MRPS31: variants seen among roughly 807,000 people sequenced by gnomAD.
MRPS31 encodes mitochondrial ribosomal protein S31.
A neutral mutation model predicts 43.1 loss-of-function variants in MRPS31; 32 were observed. The observed-to-expected ratio is 0.74, with a 90% CI of 0.56 to 1.00. The LOEUF is 1.00. Among genes scored for constraint, MRPS31 ranks in the 50% least tolerant of loss-of-function variants. The pLI is 0.00. For synonymous variants in MRPS31, 165 were observed against 161.6 expected (o/e 1.02, Z -0.16); for missense variants, 437 against 466.7 (o/e 0.94, Z 0.59).
At chr13:40,769,723 G>A (rs1566113542) in intron 1 of MRPS31, among the ~76,000 whole-genome samples, 1 of 152,042 alleles carries the variant, frequency 6.6e-6, no homozygotes, top group African/African-American at 2.4e-5. Context: ...GTGGTAATCA[G>A]GGGAATGAAT....
At position 40,766,970 on chromosome 13, in the gene MRPS31, C is replaced by T; in HGVS notation, c.216G>A (p.Lys72=). 6.2e-7 allele frequency: 1 copy of T among 1,614,086 alleles called. No homozygotes were observed. Among genetic ancestry groups the T allele is most frequent in the Non-Finnish European group, 8.5e-7 (1 of 1,179,996 alleles). Reference sequence around the variant, plus strand: ...AAGTCTCCTCAGTTCGAACAGACTGCTTATCTTTCTTGCTACAGATCACAC... The same window carrying T: ...AAGTCTCCTCAGTTCGAACAGACTGTTTATCTTTCTTGCTACAGATCACAC... ...TNSVICSKKD[K]QSVRTEETSK... The change falls in exon 2 of 7, where the codon AAG becomes AAA. Residue 72 remains lysine (K), a synonymous_variant. Transcript: ENST00000323563.
intron 6 of MRPS31, among the ~76,000 whole-genome samples, chr13:40,739,226 T>C (rs891198240): frequency 7.9e-5 from 12 of 152,090 alleles, no homozygotes; most frequent in African/African-American, 2.7e-4. Context: ...GAATCCAACT[T>C]ACAAGGGATG....
chr13:40,760,155 AAC>A (rs1182420897), intron 2 of MRPS31, among the ~76,000 whole-genome samples: 3 of 149,948 alleles, frequency 2.0e-5, no homozygotes, highest in East Asian at 2.0e-4. Context: ...AAAAAAAAAA[AAC>A]TGTATGATTC....
At chr13:40,744,810 C>T (rs1052403799) in intron 6 of MRPS31, among the ~76,000 whole-genome samples, 3 of 151,910 alleles carry the variant, frequency 2.0e-5, no homozygotes, top group Admixed American at 6.6e-5. Context: ...GGCGGGGTTT[C>T]GCCATGTTGG....
chr13:40,764,469 C>T (rs1180805180), intron 2 of MRPS31, among the ~76,000 whole-genome samples: 1 of 152,024 alleles, frequency 6.6e-6, no homozygotes, highest in African/African-American at 2.4e-5. Context: ...GACATTATAT[C>T]TTTGTCAAGA....
At chr13:40,762,676 T>G (rs1880731418) in intron 2 of MRPS31, among the ~76,000 whole-genome samples, 2 of 152,044 alleles carry the variant, frequency 1.3e-5, no homozygotes, top group South Asian at 4.1e-4. Flanking sequence ...ACTCAAGCAA[T>G]CCTCCTGCCT....
At chr13:40,770,301 G>A (rs958521364) in intron 1 of MRPS31, among the ~76,000 whole-genome samples, 5 of 151,878 alleles carry the variant, frequency 3.3e-5, no homozygotes, top group African/African-American at 9.7e-5. Context: ...TTTATGCAGC[G>A]GAATTAGGTT....
chr13:40,745,300 T>C (rs928193219), intron 6 of MRPS31, among the ~76,000 whole-genome samples: 4 of 152,144 alleles, frequency 2.6e-5, no homozygotes, highest in Non-Finnish European at 5.9e-5. Flanking sequence ...TTGCCCAGGC[T>C]GGAGTACAAT....
intron 6 of MRPS31, among the ~76,000 whole-genome samples, chr13:40,741,959 G>C (rs1363148551): frequency 6.8e-6 from 1 of 148,062 alleles, no homozygotes; most frequent in Non-Finnish European, 1.5e-5. Context: ...TGTATGGTAT[G>C]CTCCCATACA....
chr13:40,743,037 C>T (rs550717101), intron 6 of MRPS31, among the ~76,000 whole-genome samples: 2 of 152,224 alleles, frequency 1.3e-5, no homozygotes, highest in South Asian at 4.1e-4. Flanking sequence ...GTAGGCAAGG[C>T]GCAGTGACTC....
chr13:40,762,317 A>C (rs1880721112), intron 2 of MRPS31, among the ~76,000 whole-genome samples: 1 of 152,228 alleles, frequency 6.6e-6, no homozygotes, highest in African/African-American at 2.4e-5. Context: ...TCTATCCTCT[A>C]TGCCTGAAAA....
intron 6 of MRPS31, among the ~76,000 whole-genome samples, chr13:40,732,746 A>AG (rs775094706): frequency 1.8e-4 from 28 of 152,102 alleles, no homozygotes; most frequent in Non-Finnish European, 3.1e-4. Flanking sequence ...TCTTAAAAGA[A>AG]GAAAAAAAAA....
At chr13:40,765,502 A>G (rs540336056) in intron 2 of MRPS31, among the ~76,000 whole-genome samples, 2 of 152,312 alleles carry the variant, frequency 1.3e-5, no homozygotes, top group African/African-American at 2.4e-5. Flanking sequence ...CCATTCTTGA[A>G]AAGTATTTAT....
intron 2 of MRPS31, among the ~76,000 whole-genome samples, chr13:40,759,309 C>T (rs1438485937): frequency 6.6e-5 from 10 of 151,892 alleles, no homozygotes; most frequent in South Asian, 2.1e-4. Flanking sequence ...TGGTGGCGCA[C>T]GCCTGTAAGT....
intron 6 of MRPS31, among the ~76,000 whole-genome samples, chr13:40,743,103 G>A (rs1374359235): frequency 6.6e-6 from 1 of 152,108 alleles, no homozygotes; most frequent in Admixed American, 6.6e-5. Context: ...CCTGAGGTCA[G>A]GAGTTCAAGA....
chr13:40,732,543 G>A (rs1038199049), intron 6 of MRPS31, among the ~76,000 whole-genome samples: 1 of 152,140 alleles, frequency 6.6e-6, no homozygotes, highest in Non-Finnish European at 1.5e-5. Flanking sequence ...AGACCAGCCT[G>A]AGCAACAAAG....
At chr13:40,741,933 A>ACT in intron 6 of MRPS31, among the ~76,000 whole-genome samples, 1 of 142,648 alleles carries the variant, frequency 7.0e-6, no homozygotes, top group East Asian at 2.0e-4. Context: ...ACACACACAC[A>ACT]CTGCAGGACA....
chr13:40,762,455 CT>C (rs113395622), intron 2 of MRPS31, among the ~76,000 whole-genome samples: 61,680 of 145,222 alleles, frequency 0.42, 14,350 homozygotes, highest in East Asian at 0.79. Context: ...CCCCCTCATT[CT>C]TTTTTTTTTT....
chr13:40,729,756 T>C (rs1879619595), intron 6 of MRPS31, among the ~76,000 whole-genome samples, 155 bp from the exon 7 acceptor site: 1 of 144,494 alleles, frequency 6.9e-6, no homozygotes, highest in Non-Finnish European at 1.5e-5. Context: ...TGAGATGGAG[T>C]CTTGCTCTGT....
Sources: gnomAD v4.1 joint callset for allele counts (sites outside exome capture counted in the v4.1 genomes callset) on GRCh38, gnomAD v4.1.1 for gene constraint, MANE v1.5 for transcripts, NCBI Gene and HGNC (gene_info 2026-07-23, HGNC 2026-07-21) for gene names.